Variants in GPATCH2 observed in about 807,000 individuals in gnomAD.
GPATCH2 encodes the protein G patch domain-containing protein 2.
Under a neutral mutation model 58.0 loss-of-function variants are expected in GPATCH2, and 51 were observed. The ratio of observed to expected loss-of-function variants is 0.88; its 90% CI spans 0.70 to 1.11. GPATCH2 has a LOEUF of 1.11. Ranked by LOEUF, GPATCH2 falls within the 50% of genes most tolerant of loss-of-function variation. The pLI is 0.00. For missense variants in GPATCH2, 625 were observed against 652.2 expected, an observed-to-expected ratio of 0.96 and a Z score of 0.45; for synonymous variants, 222 against 218.5, an observed-to-expected ratio of 1.02 and a Z score of -0.14.
In GPATCH2 at chr1:217,619,862, T is replaced by C. The variant is rs775440948; in HGVS notation, c.694A>G (p.Ser232Gly). 1.9e-6 allele frequency: 3 copies of C among 1,613,928 alleles called. No individual in the cohort carries two copies. Among genetic ancestry groups the C allele is most frequent in the South Asian group, 1.1e-5 (1 of 91,058 alleles). ...TTATTGGTCTGGTTCGTTTCCTCAC[T>C]TTCTAAAACTACTCCTTCATCTTGG... ...KIQDEGVVLESEETNQTNKDK... is the reference protein window; with the variant it reads ...KIQDEGVVLEGEETNQTNKDK... Residue 232 changes from serine (S) to glycine (G), a missense_variant, in exon 2 of 10, where the codon AGT (serine) becomes GGT (glycine). By Grantham distance (56) the Ser-to-Gly change is moderately conservative. Transcript: ENST00000366935.
chr1:217,497,082 CT>C (rs1662049296), intron 7 of GPATCH2, among the ~76,000 whole-genome samples: 1 of 151,994 alleles, frequency 6.6e-6, no homozygotes, highest in Admixed American at 6.6e-5. Context: ...AGTCTAAAAC[CT>C]AGATTTATAA....
chr1:217,613,435 G>A (rs1668729890), intron 3 of GPATCH2, among the ~76,000 whole-genome samples: 1 of 152,000 alleles, frequency 6.6e-6, no homozygotes, highest in South Asian at 2.1e-4. Flanking sequence ...TCTTAAGAAA[G>A]GAAGAAAACA....
At chr1:217,599,429 T>C (rs187734476) in intron 5 of GPATCH2, among the ~76,000 whole-genome samples, 7 of 152,266 alleles carry the variant, frequency 4.6e-5, no homozygotes, top group Non-Finnish European at 7.4e-5. Context: ...GGGGCTGCTA[T>C]GACAGATAAA....
intron 5 of GPATCH2, among the ~76,000 whole-genome samples, chr1:217,544,392 CA>C (rs201480519): frequency 0.015 from 2,264 of 152,230 alleles, 66 homozygotes; most frequent in African/African-American, 0.051. Context: ...GACTCTGTTC[CA>C]AAAACAAACA....
intron 3 of GPATCH2, 97 bp from the exon 4 acceptor site, chr1:217,611,168 G>T: frequency 9.2e-7 from 1 of 1,091,016 alleles, no homozygotes; most frequent in Non-Finnish European, 1.3e-6. Flanking sequence ...CAAGATGGCA[G>T]TTAAATTTGA....
At chr1:217,543,308 C>T in intron 5 of GPATCH2, among the ~76,000 whole-genome samples, 1 of 134,962 alleles carries the variant, frequency 7.4e-6, no homozygotes, top group East Asian at 2.6e-4. Context: ...CTCGCTCTGT[C>T]GCCCAGGCTG....
intron 5 of GPATCH2, among the ~76,000 whole-genome samples, chr1:217,567,042 C>G (rs1361115801): frequency 2.5e-5 from 3 of 117,910 alleles, no homozygotes; most frequent in Non-Finnish European, 3.7e-5. Context: ...AATATAACTT[C>G]TGGCTTTTTT....
At chr1:217,500,096 GCTA>G (rs1282563418) in intron 6 of GPATCH2, among the ~76,000 whole-genome samples, 1 of 151,914 alleles carries the variant, frequency 6.6e-6, no homozygotes, top group African/African-American at 2.4e-5. Context: ...AATACTTTCT[GCTA>G]CTAAGCTTTT....
intron 5 of GPATCH2, among the ~76,000 whole-genome samples, chr1:217,606,747 A>C (rs1668378635): frequency 6.6e-6 from 1 of 152,110 alleles, no homozygotes; most frequent in Non-Finnish European, 1.5e-5. Flanking sequence ...CTCAAAAAAA[A>C]AGAAATACCA....
At chr1:217,606,914 A>G (rs552680148) in intron 5 of GPATCH2, among the ~76,000 whole-genome samples, 2 of 151,964 alleles carry the variant, frequency 1.3e-5, no homozygotes, top group East Asian at 3.9e-4. Flanking sequence ...TGCATACACA[A>G]TCTCATTTAA....
intron 5 of GPATCH2, among the ~76,000 whole-genome samples, chr1:217,516,626 T>C (rs948918514): frequency 1.3e-5 from 2 of 152,236 alleles, no homozygotes; most frequent in Non-Finnish European, 2.9e-5. Context: ...TAGAGGTTCA[T>C]GATCACATTA....
At chr1:217,586,276 CACTT>C (rs1203635199) in intron 5 of GPATCH2, among the ~76,000 whole-genome samples, 1 of 152,160 alleles carries the variant, frequency 6.6e-6, no homozygotes, top group African/African-American at 2.4e-5. Context: ...CTTGTAATAA[CACTT>C]AGCTTAAAAC....
Position 217,498,592 on chromosome 1 carries a change from A to C in GPATCH2, c.1167-197T>G, listed in dbSNP as rs536293669. On this transcript the variant is annotated intron_variant, in intron 6 of 9. Transcript: ENST00000366935. Reference sequence around the variant, plus strand: ...CTGTAAAAGTGCTCATAACCTGGTAATTTTCAATTTAATAAGCAAACTGAG... The same window carrying C: ...CTGTAAAAGTGCTCATAACCTGGTACTTTTCAATTTAATAAGCAAACTGAG... The C allele has an allele frequency of 1.0e-5, 6 of 596,340 alleles. No homozygotes were observed. In the South Asian group the frequency reaches 1.2e-4, roughly 12 times the overall value. 36.9% of individuals were successfully genotyped at this position (596,340 alleles called of 1,614,324 possible).
intron 5 of GPATCH2, among the ~76,000 whole-genome samples, chr1:217,535,167 T>A (rs1200347828): frequency 1.3e-5 from 2 of 152,188 alleles, no homozygotes; most frequent in Non-Finnish European, 2.9e-5. Flanking sequence ...CAGACCTGGT[T>A]ATTAGGACTA....
At chr1:217,505,609 T>TA (rs1662512704) in intron 6 of GPATCH2, among the ~76,000 whole-genome samples, 1 of 152,198 alleles carries the variant, frequency 6.6e-6, no homozygotes, top group Admixed American at 6.5e-5. Flanking sequence ...TGAGGTCTCC[T>TA]AAAAATGTAC....
intron 9 of GPATCH2, among the ~76,000 whole-genome samples, chr1:217,436,056 T>C (rs900281880): frequency 6.6e-6 from 1 of 152,136 alleles, no homozygotes; most frequent in Non-Finnish European, 1.5e-5. Context: ...ATAAAAACTT[T>C]GTAAAGAATA....
At chr1:217,515,284 G>C (rs2102583805) in intron 5 of GPATCH2, among the ~76,000 whole-genome samples, 1 of 152,060 alleles carries the variant, frequency 6.6e-6, no homozygotes. Context: ...TTTTAGTAGA[G>C]ACGGGGTTTC....
intron 5 of GPATCH2, among the ~76,000 whole-genome samples, chr1:217,524,269 C>A (rs1459601163): frequency 6.8e-6 from 1 of 147,890 alleles, no homozygotes. Flanking sequence ...ACGGGGCGGC[C>A]GGGCAGAGAC....
At chr1:217,532,148 G>C (rs1664224455) in intron 5 of GPATCH2, among the ~76,000 whole-genome samples, 1 of 152,162 alleles carries the variant, frequency 6.6e-6, no homozygotes, top group Non-Finnish European at 1.5e-5. Context: ...AAGTGCAGGG[G>C]TACTGTTTTA....
Sources: allele counts gnomAD v4.1 joint callset (sites outside exome capture counted in the v4.1 genomes callset), GRCh38; gene constraint gnomAD v4.1.1; transcripts MANE v1.5; gene names NCBI Gene and HGNC (gene_info 2026-07-23, HGNC 2026-07-21).